MAP2K5: variants seen among roughly 807,000 people sequenced by gnomAD.
MAP2K5 encodes the protein dual specificity mitogen-activated protein kinase kinase 5.
MAP2K5 carries 49 observed loss-of-function variants against 83.1 expected under a neutral mutation model. The observed-to-expected ratio is 0.59, with a 90% CI of 0.47 to 0.75. The LOEUF is 0.75. MAP2K5 is among the 30% of genes least tolerant of loss of function. The probability of loss-of-function intolerance (pLI) is 0.00; values close to 1 mark genes in which losing one functional copy is unlikely to be tolerated. For synonymous variants in MAP2K5, 202 were observed against 191.8 expected (o/e 1.05, Z -0.44); for missense variants, 457 against 557.5 (o/e 0.82, Z 1.82).
At chr15:67,660,973 G>T (rs2087222217) in intron 12 of MAP2K5, among the ~76,000 whole-genome samples, 2 of 151,894 alleles carry the variant, frequency 1.3e-5, no homozygotes, top group African/African-American at 2.4e-5. Flanking sequence ...AATTGCTTCA[G>T]ATTCTTTTCA....
intron 8 of MAP2K5, among the ~76,000 whole-genome samples, chr15:67,613,123 A>G (rs1246797911): frequency 1.3e-5 from 2 of 152,176 alleles, no homozygotes; most frequent in African/African-American, 2.4e-5. Context: ...ACTGATTAAA[A>G]CTTATCCAAC....
rs1403545605 is a variant in MAP2K5, at chr15:67,543,798, G to A, written c.135+328G>A. 2.6e-5 allele frequency among the ~76,000 whole-genome samples: 4 copies of A among 152,172 alleles called. No individual in the cohort carries two copies. The highest frequency in any genetic ancestry group is 5.9e-5 in the Non-Finnish European group (4 of 68,022). ...AGGTTTTTTCCCCCCAAGTGTTTCG[G>A]GGAATGTCCTTGGACAGATTCCAGC... On this transcript the variant is annotated intron_variant, in intron 1 of 21. Coordinates refer to ENST00000178640, the MANE Select transcript of MAP2K5 (RefSeq NM_145160.3). This position sits in a 1 kb window ranked among gnomAD's most constrained non-coding sequence, Gnocchi z 4.3.
intron 16 of MAP2K5, among the ~76,000 whole-genome samples, chr15:67,713,771 A>G (rs940821578): frequency 1.1e-4 from 17 of 151,368 alleles, no homozygotes; most frequent in Admixed American, 1.1e-3. Flanking sequence ...CACCCAGCCC[A>G]GTACCCTTGA....
intron 16 of MAP2K5, among the ~76,000 whole-genome samples, chr15:67,723,515 C>T (rs1430513694): frequency 2.6e-5 from 4 of 152,114 alleles, no homozygotes; most frequent in Non-Finnish European, 5.9e-5. Flanking sequence ...ATAAACGTCC[C>T]GCAAGAGAGT....
intron 16 of MAP2K5, among the ~76,000 whole-genome samples, chr15:67,714,413 GGAAAAAAAAAAAAAAAAAAAAAAAAAAA>G (rs2088779939): frequency 1.2e-4 from 5 of 42,682 alleles, no homozygotes; most frequent in Non-Finnish European, 1.8e-4. Flanking sequence ...CAGCTGCCAG[GGAAAAAAAAAAAAAAAAAAAAAAAAAAA>G]AAAAAAAAAA....
At chr15:67,697,911 T>C (rs1038566513) in intron 15 of MAP2K5, among the ~76,000 whole-genome samples, 2 of 152,216 alleles carry the variant, frequency 1.3e-5, no homozygotes, top group Non-Finnish European at 2.9e-5. Flanking sequence ...AAACCAAGTA[T>C]GGGCACATTA....
At chr15:67,803,800 C>T (rs568967445) in intron 21 of MAP2K5, among the ~76,000 whole-genome samples, 3 of 152,264 alleles carry the variant, frequency 2.0e-5, no homozygotes, top group African/African-American at 4.8e-5. Flanking sequence ...AGGCCTGAGT[C>T]GCCAAGGTAG....
chr15:67,588,203 C>A, intron 6 of MAP2K5: 1 of 514,232 alleles, frequency 1.9e-6, no homozygotes, highest in Non-Finnish European at 2.5e-6. Context: ...CTCTGTACCC[C>A]ATCCCACCTG....
At position 67,780,533 on chromosome 15, in the gene MAP2K5, T is replaced by C. The variant is rs1167868108; in HGVS notation, c.1242+7781T>C. ...ACTAAACAGATAGACAAACAAGACATGTATCTGGTTCTCCAGGAACTCAGA... is the reference window on the plus strand; with the variant it reads ...ACTAAACAGATAGACAAACAAGACACGTATCTGGTTCTCCAGGAACTCAGA... On this transcript the variant is annotated intron_variant, in intron 21 of 21. Coordinates refer to ENST00000178640, the MANE Select transcript of MAP2K5 (RefSeq NM_145160.3). The surrounding 1 kb of genome is among the most constrained non-coding windows in gnomAD (Gnocchi z 5.0). 6.6e-6 allele frequency among the ~76,000 whole-genome samples: 1 copy of C among 152,182 alleles called. No individual in the cohort carries two copies. The highest frequency in any genetic ancestry group is 1.5e-5 in the Non-Finnish European group (1 of 68,020).
Position 67,708,671 on chromosome 15 carries a change from C to T in MAP2K5, c.1044+5263C>T. 6.6e-6 allele frequency among the ~76,000 whole-genome samples: 1 copy of T among 152,110 alleles called. No individual in the cohort carries two copies. Among genetic ancestry groups the T allele is most frequent in the Admixed American group, 6.5e-5 (1 of 15,274 alleles). ...AACCCCTGAAGTGACAGGGTTCCTC[C>T]TTGCCTGCCTTCTTCCTCCTGCCCA... On this transcript the variant is annotated intron_variant, in intron 16 of 21. Transcript: ENST00000178640. This position sits in a 1 kb window ranked among gnomAD's most constrained non-coding sequence, Gnocchi z 4.9.
intron 2 of MAP2K5, among the ~76,000 whole-genome samples, chr15:67,558,582 G>A (rs2084673030): frequency 6.6e-6 from 1 of 152,130 alleles, no homozygotes; most frequent in Non-Finnish European, 1.5e-5. Context: ...TCCTTAAAAT[G>A]CCCTCCAAGG....
intron 16 of MAP2K5, among the ~76,000 whole-genome samples, chr15:67,725,017 A>G (rs762882093): frequency 1.8e-4 from 27 of 152,222 alleles, no homozygotes; most frequent in Admixed American, 1.5e-3. Flanking sequence ...TCCCAGGAAC[A>G]TAGTTAAAAG....
At chr15:67,682,469 C>T (rs1236581686) in intron 13 of MAP2K5, among the ~76,000 whole-genome samples, 1 of 151,706 alleles carries the variant, frequency 6.6e-6, no homozygotes, top group African/African-American at 2.4e-5. Flanking sequence ...ATGTTTCACC[C>T]GCCTTGGCCT....
intron 11 of MAP2K5, 141 bp from the exon 12 acceptor site, chr15:67,658,412 G>A (rs2087142659): frequency 8.0e-6 from 5 of 624,600 alleles, no homozygotes; most frequent in Non-Finnish European, 8.6e-6. Flanking sequence ...GATAACATTG[G>A]ACTAAAAAGT....
intron 3 of MAP2K5, among the ~76,000 whole-genome samples, chr15:67,580,052 G>A (rs921419168): frequency 3.3e-5 from 5 of 152,124 alleles, no homozygotes. Context: ...ACAAATTAGC[G>A]GAGTGGTAAT....
At chr15:67,596,407 C>CT (rs1342920733) in intron 7 of MAP2K5, among the ~76,000 whole-genome samples, 2 of 151,884 alleles carry the variant, frequency 1.3e-5, no homozygotes, top group Non-Finnish European at 2.9e-5. Context: ...GAGCAAGACT[C>CT]TGTCTCAAAA....
intron 17 of MAP2K5, among the ~76,000 whole-genome samples, chr15:67,729,049 C>T (rs903894979): frequency 3.9e-5 from 6 of 152,122 alleles, no homozygotes; most frequent in African/African-American, 7.2e-5. Context: ...TTTTCAAATT[C>T]ATAGACTTTT....
chr15:67,649,095 A>G (rs755771255), intron 11 of MAP2K5, among the ~76,000 whole-genome samples: 4 of 152,122 alleles, frequency 2.6e-5, no homozygotes, highest in African/African-American at 7.2e-5. Context: ...GTAGTGTGAC[A>G]TGGTATCCCA....
At chr15:67,685,480 G>GT (rs1169601398) in intron 13 of MAP2K5, among the ~76,000 whole-genome samples, 1 of 119,022 alleles carries the variant, frequency 8.4e-6, no homozygotes, top group African/African-American at 3.2e-5. Flanking sequence ...ATGATGGATG[G>GT]TTAGATCTAC....
Sources: gnomAD v4.1 joint callset for allele counts (sites outside exome capture counted in the v4.1 genomes callset) on GRCh38, gnomAD v4.1.1 for gene constraint, Gnocchi (gnomAD v3.1) non-coding constraint, MANE v1.5 for transcripts, NCBI Gene and HGNC (gene_info 2026-07-23, HGNC 2026-07-21) for gene names.